Variants in TENM3 observed in about 807,000 individuals in gnomAD.
TENM3 encodes teneurin-3.
In TENM3, 63 loss-of-function variants were observed where a neutral mutation model predicts 255.1. The observed-to-expected ratio is 0.25, with a 90% CI of 0.20 to 0.30. TENM3 has a LOEUF of 0.30. TENM3 is among the 10% of genes least tolerant of loss of function. The pLI, the probability that TENM3 is intolerant of heterozygous loss-of-function variation, is 1.00. For synonymous variants in TENM3, 1,306 were observed against 1,322.3 expected, an observed-to-expected ratio of 0.99 and a Z score of 0.27; for missense variants, 2,929 against 3,461.1, an observed-to-expected ratio of 0.85 and a Z score of 3.86.
the TENM3 span, among the ~76,000 whole-genome samples, chr4:181,822,301 C>T: frequency 1.3e-5 from 2 of 152,112 alleles, no homozygotes; most frequent in Non-Finnish European, 2.9e-5. Context: ...AGTTTATTAC[C>T]TCTTGTTTCT....
the TENM3 span, among the ~76,000 whole-genome samples, chr4:181,717,599 A>G: frequency 6.6e-6 from 1 of 152,230 alleles, no homozygotes; most frequent in African/African-American, 2.4e-5. Flanking sequence ...AGTTATAACA[A>G]TAGTTTCTGT....
the TENM3 span, among the ~76,000 whole-genome samples, chr4:182,039,109 G>C: frequency 6.6e-6 from 1 of 152,066 alleles, no homozygotes; most frequent in African/African-American, 2.4e-5. Flanking sequence ...CAAAAATCTT[G>C]GGTTTTCAAG....
chr4:182,241,378 CCTT>C (rs1258506585), upstream of TENM3, among the ~76,000 whole-genome samples: 1 of 152,150 alleles, frequency 6.6e-6, no homozygotes, highest in East Asian at 1.9e-4. Context: ...TGCCTTCATC[CCTT>C]CTTCTGTTCA....
chr4:182,024,327 G>C, the TENM3 span, among the ~76,000 whole-genome samples: 1 of 152,158 alleles, frequency 6.6e-6, no homozygotes, highest in South Asian at 2.1e-4. Context: ...CAGTCAAGAG[G>C]AAGGCCATAA....
the TENM3 span, among the ~76,000 whole-genome samples, chr4:181,647,304 C>A: frequency 6.6e-6 from 1 of 152,126 alleles, no homozygotes; most frequent in Admixed American, 6.6e-5. Flanking sequence ...AGTGCTGTCT[C>A]CATGATGAAT....
At chr4:182,360,511 A>C (rs1765886702) in intron 3 of TENM3, among the ~76,000 whole-genome samples, 3 of 149,778 alleles carry the variant, frequency 2.0e-5, no homozygotes, top group Admixed American at 6.7e-5. Flanking sequence ...TTGTTGGTTT[A>C]AAGTCTGTTT....
intron 3 of TENM3, among the ~76,000 whole-genome samples, chr4:182,553,163 G>C (rs1356413312): frequency 6.6e-6 from 1 of 152,074 alleles, no homozygotes; most frequent in Non-Finnish European, 1.5e-5. Flanking sequence ...AGGTGTGATC[G>C]TGCACACTGC....
intron 3 of TENM3, among the ~76,000 whole-genome samples, chr4:182,451,519 TTTCA>T: frequency 1.3e-5 from 2 of 152,278 alleles, no homozygotes; most frequent in South Asian, 4.1e-4. Context: ...GACTCCTTTC[TTTCA>T]TAACGTAGGC....
At chr4:182,457,381 A>T (rs1773962561) in intron 3 of TENM3, among the ~76,000 whole-genome samples, 1 of 152,172 alleles carries the variant, frequency 6.6e-6, no homozygotes, top group East Asian at 1.9e-4. Flanking sequence ...ACTGAAAGAT[A>T]AGCATCTGTG....
At chr4:182,657,784 G>A (rs1023722130) in intron 6 of TENM3, among the ~76,000 whole-genome samples, 3 of 151,902 alleles carry the variant, frequency 2.0e-5, no homozygotes, top group South Asian at 2.1e-4. Flanking sequence ...TCAGCCTCCC[G>A]AGTAGCTGGG....
intron 3 of TENM3, among the ~76,000 whole-genome samples, chr4:182,454,993 G>C (rs1443754441): frequency 2.0e-5 from 3 of 152,098 alleles, no homozygotes; most frequent in Admixed American, 1.3e-4. Flanking sequence ...AGCTGAGTAT[G>C]AATCTTTTTA....
At chr4:181,655,427 G>T in the TENM3 span, among the ~76,000 whole-genome samples, 1 of 152,202 alleles carries the variant, frequency 6.6e-6, no homozygotes, top group Non-Finnish European at 1.5e-5. Context: ...ACACAACAAA[G>T]CTGTACTGAG....
chr4:182,455,086 A>C (rs7676392), intron 3 of TENM3, among the ~76,000 whole-genome samples: 44,034 of 152,124 alleles, frequency 0.29, 7,662 homozygotes, highest in East Asian at 0.5. Flanking sequence ...CCTTATCATC[A>C]TGCTATGAAT....
the TENM3 span, among the ~76,000 whole-genome samples, chr4:181,705,049 AAC>A: frequency 7.2e-3 from 220 of 30,484 alleles, 1 homozygote; most frequent in African/African-American, 0.017. Context: ...AACAAAACAA[AAC>A]AAAAAAAAAA....
At chr4:181,580,534 C>G in the TENM3 span, among the ~76,000 whole-genome samples, 1 of 152,186 alleles carries the variant, frequency 6.6e-6, no homozygotes, top group Non-Finnish European at 1.5e-5. Context: ...TAACCCCCAT[C>G]AACAGCTCAG....
the TENM3 span, among the ~76,000 whole-genome samples, chr4:181,505,504 T>G: frequency 6.6e-6 from 1 of 152,224 alleles, no homozygotes; most frequent in Non-Finnish European, 1.5e-5. Context: ...TTTTTCCATG[T>G]TAAGCCTTAA....
the TENM3 span, among the ~76,000 whole-genome samples, chr4:182,033,562 A>G: frequency 3.3e-5 from 5 of 152,330 alleles, no homozygotes; most frequent in East Asian, 7.7e-4. Flanking sequence ...CACTTGATCC[A>G]GAGCTGAGTT....
chr4:181,620,302 T>G, the TENM3 span, among the ~76,000 whole-genome samples: 1 of 151,912 alleles, frequency 6.6e-6, no homozygotes, highest in East Asian at 1.9e-4. Context: ...TAAAATAAAA[T>G]ACACTAATCT....
At chr4:182,002,216 A>G in the TENM3 span, among the ~76,000 whole-genome samples, 1 of 152,204 alleles carries the variant, frequency 6.6e-6, no homozygotes, top group South Asian at 2.1e-4. Flanking sequence ...CCAAGACAGA[A>G]AGCATGTTTA....
Sources: gnomAD v4.1 joint callset for allele counts (sites outside exome capture counted in the v4.1 genomes callset) on GRCh38, gnomAD v4.1.1 for gene constraint, MANE v1.5 for transcripts, NCBI Gene and HGNC (gene_info 2026-07-23, HGNC 2026-07-21) for gene names.